Variants in ANKRD30B observed in about 807,000 individuals in gnomAD.
The protein encoded by ANKRD30B is ankyrin repeat domain-containing protein 30B.
ANKRD30B carries 144 observed loss-of-function variants against 202.2 expected under a neutral mutation model. That is an observed-to-expected ratio of 0.71 (90% CI 0.62 to 0.82). The LOEUF is 0.82. Ranked by LOEUF, ANKRD30B falls within the 40% of genes least tolerant of loss-of-function variation. ANKRD30B has a pLI of 0.00. For missense variants in ANKRD30B, 1,487 were observed against 1,669.1 expected (o/e 0.89, Z 1.90); for synonymous variants, 508 against 561.3 (o/e 0.91, Z 1.34).
At chr18:14,879,730 G>T in the ANKRD30B span, among the ~76,000 whole-genome samples, 1 of 151,588 alleles carries the variant, frequency 6.6e-6, no homozygotes. Context: ...TTAGGGTTAA[G>T]GGTCCAGGGT....
rs1446147796 is a variant in ANKRD30B at position 14,849,798 on chromosome 18, A to G, written c.3396-416A>G. 2.0e-5 allele frequency among the ~76,000 whole-genome samples: 3 copies of G among 151,694 alleles called. No homozygotes were observed. The East Asian group carries it at 5.8e-4, about 29-fold the overall frequency. On this transcript the variant is annotated intron_variant, in intron 40 of 43. Transcript: ENST00000690538. ...CCATATTTTATAAGTAGAAATATTT[A>G]TGTCTAATAAATCTGTAAACTTTTT...
the ANKRD30B span, among the ~76,000 whole-genome samples, chr18:14,890,812 T>C: frequency 1.3e-5 from 2 of 151,114 alleles, no homozygotes; most frequent in East Asian, 3.9e-4. Context: ...GAAAAGACCA[T>C]TTAAAACAAA....
At chr18:14,914,354 G>A in the ANKRD30B span, among the ~76,000 whole-genome samples, 2 of 152,182 alleles carry the variant, frequency 1.3e-5, no homozygotes. Flanking sequence ...TGATTTGTGT[G>A]GGGATCCACT....
intron 4 of ANKRD30B, 52 bp from the exon 5 acceptor site, chr18:14,757,763 G>A: frequency 6.3e-7 from 1 of 1,577,122 alleles, no homozygotes; most frequent in African/African-American, 1.4e-5. Flanking sequence ...ACACTGATAG[G>A]CACATATTAA....
intron 18 of ANKRD30B, 145 bp downstream of exon 18, chr18:14,796,560 GT>G (rs1779932899): frequency 8.7e-7 from 1 of 1,154,832 alleles, no homozygotes; most frequent in African/African-American, 1.6e-5. Flanking sequence ...TAGCATTTAT[GT>G]TTGAGAAAAT....
At chr18:14,749,415 T>TA (rs1375155483) in intron 1 of ANKRD30B, among the ~76,000 whole-genome samples, 1 of 152,118 alleles carries the variant, frequency 6.6e-6, no homozygotes, top group Non-Finnish European at 1.5e-5. Flanking sequence ...CTCACGCCTG[T>TA]AATCCCAGCA....
At chr18:14,902,118 C>T in the ANKRD30B span, among the ~76,000 whole-genome samples, 1 of 152,122 alleles carries the variant, frequency 6.6e-6, no homozygotes, top group Non-Finnish European at 1.5e-5. Flanking sequence ...TTATTCACTA[C>T]CACGAGAACA....
At chr18:14,760,493 G>A (rs1598574006) in intron 5 of ANKRD30B, 61 bp from the exon 6 acceptor site, 4 of 919,504 alleles carry the variant, frequency 4.4e-6, no homozygotes, top group Non-Finnish European at 6.6e-6. Flanking sequence ...TAATAAATTT[G>A]GTAAATGTTT....
chr18:14,819,008 T>A (rs1333837346), intron 30 of ANKRD30B, among the ~76,000 whole-genome samples: 3 of 152,242 alleles, frequency 2.0e-5, no homozygotes, highest in African/African-American at 7.2e-5. Context: ...TTTCTCCACA[T>A]CCTCTCCAGC....
chr18:14,769,471 C>T, intron 8 of ANKRD30B, 98 bp downstream of exon 8: 1 of 924,550 alleles, frequency 1.1e-6, no homozygotes, highest in Non-Finnish European at 1.6e-6. Flanking sequence ...GGCTAGACAA[C>T]ATATTATGTG....
At chr18:14,750,389 T>C (rs1913236297) in intron 1 of ANKRD30B, among the ~76,000 whole-genome samples, 1 of 152,260 alleles carries the variant, frequency 6.6e-6, no homozygotes, top group Middle Eastern at 3.4e-3. Context: ...AATATTAGTG[T>C]TCCTGGTTAG....
intron 26 of ANKRD30B, 40 bp downstream of exon 26, chr18:14,808,784 T>C (rs1239999274): frequency 4.3e-6 from 6 of 1,408,366 alleles, no homozygotes; most frequent in Admixed American, 2.4e-5. Flanking sequence ...GAATTAAGAA[T>C]ATTAAACTAT....
chr18:14,876,300 C>G, the ANKRD30B span, among the ~76,000 whole-genome samples: 1 of 152,190 alleles, frequency 6.6e-6, no homozygotes, highest in Non-Finnish European at 1.5e-5. Context: ...AAGGGCAAAA[C>G]TTGATGGTCT....
At chr18:14,765,532 A>T (rs1598584268) in intron 7 of ANKRD30B, among the ~76,000 whole-genome samples, 1 of 152,118 alleles carries the variant, frequency 6.6e-6, no homozygotes, top group Admixed American at 6.6e-5. Flanking sequence ...CAGCTATTGA[A>T]CTCTGCATTG....
the ANKRD30B span, among the ~76,000 whole-genome samples, chr18:14,899,541 A>G: frequency 6.6e-6 from 1 of 152,136 alleles, no homozygotes; most frequent in South Asian, 2.1e-4. Context: ...ATAGTGCTCC[A>G]TAAATAAAAC....
the ANKRD30B span, among the ~76,000 whole-genome samples, chr18:14,936,921 A>G: frequency 1.3e-5 from 2 of 152,134 alleles, no homozygotes; most frequent in South Asian, 2.1e-4. Context: ...TTCAGAGGAC[A>G]TGTTTTCTCC....
chr18:14,893,485 T>A, the ANKRD30B span, among the ~76,000 whole-genome samples: 1 of 152,018 alleles, frequency 6.6e-6, no homozygotes, highest in African/African-American at 2.4e-5. Flanking sequence ...ATGGTGGCTG[T>A]CTGTAATCCC....
At chr18:14,792,039 G>C (rs1039444714) in intron 16 of ANKRD30B, among the ~76,000 whole-genome samples, 3 of 152,156 alleles carry the variant, frequency 2.0e-5, no homozygotes, top group African/African-American at 7.2e-5. Context: ...ATTTGCAATA[G>C]TTGAGAATAA....
chr18:14,874,401 A>G, the ANKRD30B span, among the ~76,000 whole-genome samples: 6 of 152,178 alleles, frequency 3.9e-5, no homozygotes, highest in Non-Finnish European at 8.8e-5. Context: ...GGCCTTAGCA[A>G]TCGCTGGACT....
Sources: gnomAD v4.1 joint callset for allele counts (sites outside exome capture counted in the v4.1 genomes callset) on GRCh38, gnomAD v4.1.1 for gene constraint, MANE v1.5 for transcripts, NCBI Gene and HGNC (gene_info 2026-07-23, HGNC 2026-07-21) for gene names.